ADAMTS16: variants seen among roughly 807,000 people sequenced by gnomAD.
ADAMTS16 encodes the protein A disintegrin and metalloproteinase with thrombospondin motifs 16.
Under a neutral mutation model 145.8 loss-of-function variants are expected in ADAMTS16, and 94 were observed. That is an observed-to-expected ratio of 0.64 (90% confidence interval 0.55 to 0.77). The LOEUF (loss-of-function observed/expected upper bound fraction) is 0.77, where lower values mean the gene tolerates loss of function less well. Among genes scored for constraint, ADAMTS16 ranks in the 30% least tolerant of loss-of-function variants. The pLI is 0.00. For missense variants in ADAMTS16, 1,585 were observed against 1,591.5 expected (o/e 1.00, Z 0.07); for synonymous variants, 659 against 604.3 (o/e 1.09, Z -1.33).
intron 18 of ADAMTS16, among the ~76,000 whole-genome samples, chr5:5,272,604 A>G (rs983410571): frequency 2.0e-5 from 3 of 151,844 alleles, no homozygotes; most frequent in Non-Finnish European, 4.4e-5. Context: ...TGACCTGGTG[A>G]TCCGCCTGCC....
intron 21 of ADAMTS16, among the ~76,000 whole-genome samples, chr5:5,311,255 G>C (rs1740415931): frequency 7.2e-6 from 1 of 139,290 alleles, no homozygotes; most frequent in African/African-American, 2.7e-5. Context: ...GTTCAACCCA[G>C]CCCTGCACGG....
At chr5:5,177,999 A>T (rs1410046990) in intron 3 of ADAMTS16, among the ~76,000 whole-genome samples, 1 of 152,192 alleles carries the variant, frequency 6.6e-6, no homozygotes, top group Non-Finnish European at 1.5e-5. Flanking sequence ...TTTTTGATTT[A>T]TGAAACTTTA....
At chr5:5,271,298 G>GCCT in intron 18 of ADAMTS16, among the ~76,000 whole-genome samples, 1 of 152,350 alleles carries the variant, frequency 6.6e-6, no homozygotes, top group South Asian at 2.1e-4. Context: ...TGGCTGTGCA[G>GCCT]CCTCGGCCAG....
intron 8 of ADAMTS16, 129 bp downstream of exon 8, chr5:5,191,919 A>G: frequency 1.5e-6 from 1 of 660,322 alleles, no homozygotes; most frequent in Non-Finnish European, 2.6e-6. Context: ...AATGCCATTG[A>G]CAGTTATAAA....
intron 17 of ADAMTS16, among the ~76,000 whole-genome samples, chr5:5,248,384 T>A (rs1737522846): frequency 6.6e-6 from 1 of 152,212 alleles, no homozygotes; most frequent in Admixed American, 6.5e-5. Context: ...AGCACATTGC[T>A]CATCAAACTC....
chr5:5,274,265 G>A (rs1189043386), intron 18 of ADAMTS16, among the ~76,000 whole-genome samples: 1 of 152,128 alleles, frequency 6.6e-6, no homozygotes, highest in African/African-American at 2.4e-5. Context: ...CATACATGCT[G>A]TGGGTCTGGA....
At position 5,310,085 on chromosome 5, in the gene ADAMTS16, G is replaced by A. The variant is rs1179450829; in HGVS notation, c.3411+3357G>A. Among the ~76,000 whole-genome samples, 1 of 152,142 alleles carries A rather than the reference G, an allele frequency of 6.6e-6. No homozygotes were observed. Among genetic ancestry groups the A allele is most frequent in the African/African-American group, 2.4e-5 (1 of 41,416 alleles). ...GCAGAGGAGTGCAGAAATTAGTGCAGGTGCCTGTTGGGCAGCCGGGGTCAA... is the reference window on the plus strand; with the variant it reads ...GCAGAGGAGTGCAGAAATTAGTGCAAGTGCCTGTTGGGCAGCCGGGGTCAA... On this transcript the variant is annotated intron_variant, in intron 21 of 22. Transcript: ENST00000274181. This position sits in a 1 kb window ranked among gnomAD's most constrained non-coding sequence, Gnocchi z 4.3.
intron 20 of ADAMTS16, 30 bp downstream of exon 20, chr5:5,303,796 T>C (rs1011366872): frequency 2.5e-6 from 4 of 1,605,666 alleles, no homozygotes; most frequent in South Asian, 1.1e-5. Flanking sequence ...GGGAGCGAGG[T>C]TGACTAGCTC....
At chr5:5,209,016 A>G (rs1736203722) in intron 9 of ADAMTS16, 77 bp from the exon 10 acceptor site, 1 of 1,472,504 alleles carries the variant, frequency 6.8e-7, no homozygotes, top group Non-Finnish European at 9.2e-7. Flanking sequence ...TACATGGGGG[A>G]GAAAGGCATA....
chr5:5,204,995 G>T (rs769987213), intron 9 of ADAMTS16, among the ~76,000 whole-genome samples: 12 of 152,078 alleles, frequency 7.9e-5, no homozygotes, highest in Admixed American at 2.0e-4. Context: ...TAATTAATAA[G>T]ATTGAATACA....
At chr5:5,254,724 AC>A (rs1437404547) in intron 17 of ADAMTS16, among the ~76,000 whole-genome samples, 1 of 152,162 alleles carries the variant, frequency 6.6e-6, no homozygotes, top group Non-Finnish European at 1.5e-5. Context: ...AACCATCCTT[AC>A]ATTCCTGCTA....
At chr5:5,207,419 G>A (rs1167201240) in intron 9 of ADAMTS16, among the ~76,000 whole-genome samples, 1 of 152,078 alleles carries the variant, frequency 6.6e-6, no homozygotes, top group East Asian at 1.9e-4. Context: ...TAACTTATTA[G>A]TTCCAGGAGT....
intron 12 of ADAMTS16, 105 bp from the exon 13 acceptor site, chr5:5,234,909 T>A (rs1737050791): frequency 6.1e-6 from 5 of 822,534 alleles, no homozygotes; most frequent in Non-Finnish European, 8.3e-6. Flanking sequence ...TTTTCCTAAT[T>A]ACCCATTCTA....
In ADAMTS16 at chr5:5,239,772, T is replaced by C. The variant is rs1221842927; in HGVS notation, c.2370T>C (p.Asn790=). The C allele has an allele frequency of 3.1e-6, 5 of 1,614,060 alleles. No homozygotes were observed. The African/African-American group carries it at 4.0e-5, about 13-fold the overall frequency. Residue 790 remains asparagine (N), a synonymous_variant, in exon 16 of 23, where the codon AAT becomes AAC. Transcript: ENST00000274181. Reference sequence around the variant, plus strand: ...CTACCTCCTACATTTCTGTGCGCAATGCCCTCAGAAGGTACTACCTGAATG... The same window carrying C: ...CTACCTCCTACATTTCTGTGCGCAACGCCCTCAGAAGGTACTACCTGAATG... The part of the protein sequence containing the change: ...NVSTSYISVR[N]ALRRYYLNGH...
intron 17 of ADAMTS16, among the ~76,000 whole-genome samples, chr5:5,256,810 C>G (rs1376405809): frequency 6.6e-6 from 1 of 152,004 alleles, no homozygotes; most frequent in Non-Finnish European, 1.5e-5. Flanking sequence ...CAAACTGAAG[C>G]CATTATTTAT....
At chr5:5,154,161 G>A (rs778070788) in intron 3 of ADAMTS16, among the ~76,000 whole-genome samples, 12 of 152,264 alleles carry the variant, frequency 7.9e-5, no homozygotes, top group Non-Finnish European at 1.5e-4. Flanking sequence ...ACCCACATGG[G>A]GGTATGATCA....
intron 3 of ADAMTS16, among the ~76,000 whole-genome samples, chr5:5,176,615 A>AAAG (rs1735204130): frequency 1.3e-5 from 2 of 152,232 alleles, no homozygotes; most frequent in Non-Finnish European, 2.9e-5. Context: ...TACAAAAAAA[A>AAAG]TCACTGCTTC....
chr5:5,262,417 G>A (rs1248952286), intron 17 of ADAMTS16, among the ~76,000 whole-genome samples: 1 of 152,216 alleles, frequency 6.6e-6, no homozygotes, highest in Admixed American at 6.5e-5. Context: ...CTTTAAAGAT[G>A]TTAATATAAA....
At chr5:5,149,316 A>C (rs1734389351) in intron 3 of ADAMTS16, among the ~76,000 whole-genome samples, 1 of 151,452 alleles carries the variant, frequency 6.6e-6, no homozygotes, top group African/African-American at 2.4e-5. Context: ...GTCACCAAAC[A>C]CAAGCACATA....
Sources: allele counts gnomAD v4.1 joint callset (sites outside exome capture counted in the v4.1 genomes callset), GRCh38; gene constraint gnomAD v4.1.1; non-coding constraint Gnocchi (gnomAD v3.1); transcripts MANE v1.5; gene names NCBI Gene and HGNC (gene_info 2026-07-23, HGNC 2026-07-21).